PBX2: variants seen among roughly 807,000 people sequenced by gnomAD.
PBX2 encodes the protein PBX homeobox 2.
Under a neutral mutation model 46.5 loss-of-function variants are expected in PBX2, and 10 were observed. The observed-to-expected ratio is 0.21, with a 90% CI of 0.13 to 0.36. The LOEUF (loss-of-function observed/expected upper bound fraction) is 0.36, where lower values mean the gene tolerates loss of function less well. Ranked by LOEUF, PBX2 falls within the 10% of genes least tolerant of loss-of-function variation. The probability of loss-of-function intolerance (pLI) is 1.00; values close to 1 mark genes in which losing one functional copy is unlikely to be tolerated. For missense variants in PBX2, 392 were observed against 580.5 expected (o/e 0.68, Z 3.34); for synonymous variants, 160 against 222.5 (o/e 0.72, Z 2.50).
At position 32,189,292 on chromosome 6, in the gene PBX2, T is replaced by C. The variant is rs1330125698; in HGVS notation, c.221+403A>G. On this transcript the variant is annotated intron_variant, in intron 1 of 8. Transcript: ENST00000375050. This position sits in a 1 kb window ranked among gnomAD's most constrained non-coding sequence, Gnocchi z 4.7. Reference sequence around the variant, plus strand: ...CTGGCTGAGCAGTGGAGAGGAGCTTTAGGGGCTCTGGAGAGGGTGTGGAGG... The same window carrying C: ...CTGGCTGAGCAGTGGAGAGGAGCTTCAGGGGCTCTGGAGAGGGTGTGGAGG... Among the ~76,000 whole-genome samples, 1 of 151,646 alleles carries C rather than the reference T, an allele frequency of 6.6e-6. No individual in the cohort carries two copies. The highest frequency in any genetic ancestry group is 1.9e-4 in the East Asian group (1 of 5,154).
rs151331971 is a variant in PBX2, at chr6:32,186,640, G to A, written c.1164C>T (p.Leu388=). The A allele has an allele frequency of 3.2e-5, 52 of 1,612,782 alleles. No homozygotes were observed. The highest frequency in any genetic ancestry group is 2.5e-4 in the East Asian group (11 of 44,886). ...SMGPGGYGDN[L]GGGQMYSPRE... is the part of the protein sequence containing the mutation. ...GTGGGCTGTACATCTGGCCTCCCCC[G>A]AGGTTATCCCCATAGCCCCCTGGCC... is the stretch of plus-strand genomic sequence containing the variant. Residue 388 remains leucine (L), a synonymous_variant, in exon 8 of 9, where the codon CTC becomes CTT. Transcript: ENST00000375050. This position sits in a 1 kb window ranked among gnomAD's most constrained non-coding sequence, Gnocchi z 4.2.
Position 32,187,605 on chromosome 6 carries a change from G to A in PBX2, c.870+42C>T, listed in dbSNP as rs374809621. 5.0e-5 allele frequency: 79 copies of A among 1,566,432 alleles called. No homozygotes were observed. The Middle Eastern group carries it at 1.5e-3, about 31-fold the overall frequency. ...ACACCACTGCACCTAGCTGAGATGC[G>A]TGCACTTTGCCTGACAACTCCTCCC... On this transcript the variant is annotated intron_variant, in intron 5 of 8. Transcript: ENST00000375050. The surrounding 1 kb of genome is among the most constrained non-coding windows in gnomAD (Gnocchi z 7.7).
chr6:32,186,377 C>T lies in PBX2; in HGVS notation c.*5G>A. The T allele has an allele frequency of 1.9e-6, 3 of 1,590,290 alleles. No individual in the cohort carries two copies. Among genetic ancestry groups the T allele is most frequent in the East Asian group, 2.2e-5 (1 of 44,746 alleles). ...CCCCCACCCCTGTGACCCTGAGGGG[C>T]AAGATCAGTTGGAGGTATCAGAGTG... On this transcript the variant is annotated 3_prime_UTR_variant, in exon 9 of 9. Coordinates refer to ENST00000375050, the MANE Select transcript of PBX2 (RefSeq NM_002586.5). The surrounding 1 kb of genome is among the most constrained non-coding windows in gnomAD (Gnocchi z 4.2).
At position 32,186,776 on chromosome 6, in the gene PBX2, G is replaced by A; in HGVS notation, c.1113+37C>T. The A allele has an allele frequency of 6.2e-7, 1 of 1,601,878 alleles. No individual in the cohort carries two copies. Among genetic ancestry groups the A allele is most frequent in the South Asian group, 1.1e-5 (1 of 90,850 alleles). The stretch of plus-strand genomic sequence containing the variant: ...ATCCTAAAGTAGAGGAAATGGAGTT[G>A]GGGAAAGCCCTATTCGAGAGGAGAT... On this transcript the variant is annotated intron_variant, in intron 7 of 8. Transcript: ENST00000375050. The surrounding 1 kb of genome is among the most constrained non-coding windows in gnomAD (Gnocchi z 4.2).
chr6:32,190,005 C>G lies in PBX2; in HGVS notation c.-90G>C. On this transcript the variant is annotated 5_prime_UTR_variant, in exon 1 of 9. Transcript: ENST00000375050. Reference sequence around the variant, plus strand: ...CCCCAAACTCGCTGGGGCCGCTGCTCCCTCCGCCCCAACCCCCGCCCGTCT... The same window carrying G: ...CCCCAAACTCGCTGGGGCCGCTGCTGCCTCCGCCCCAACCCCCGCCCGTCT... 5.2e-6 allele frequency: 3 copies of G among 578,304 alleles called. No individual in the cohort carries two copies. Among genetic ancestry groups the G allele is most frequent in the East Asian group, 7.0e-5 (2 of 28,674 alleles). 35.8% of individuals were successfully genotyped at this position (578,304 alleles called of 1,614,324 possible).
rs557706026 is a variant in PBX2 at position 32,188,617 on chromosome 6, C to T, written c.295+106G>A. 9 of 1,570,068 alleles carry T rather than the reference C, an allele frequency of 5.7e-6. No homozygotes were observed. The South Asian group carries it at 9.0e-5, about 16-fold the overall frequency. ...CCAGGCTTTGGTTCCTTCCCCAGTC[C>T]CCCTGACTCCTTACTTTCCTCAGGG... On this transcript the variant is annotated intron_variant, in intron 2 of 8. Transcript: ENST00000375050. This position sits in a 1 kb window ranked among gnomAD's most constrained non-coding sequence, Gnocchi z 6.5.
chr6:32,189,612 G>T lies in PBX2; in HGVS notation c.221+83C>A. 9.6e-7 allele frequency: 1 copy of T among 1,038,126 alleles called. No individual in the cohort carries two copies. Among genetic ancestry groups the T allele is most frequent in the Non-Finnish European group, 1.5e-6 (1 of 684,804 alleles). 64.3% of individuals were successfully genotyped at this position (1,038,126 alleles called of 1,614,324 possible). On this transcript the variant is annotated intron_variant, in intron 1 of 8. Transcript: ENST00000375050. The surrounding 1 kb of genome is among the most constrained non-coding windows in gnomAD (Gnocchi z 4.7). ...GTTGGATCCTGGAGAGGGCCCTGGA[G>T]TTGGGGGGGGCTCCCAGAAGATTCA...
chr6:32,188,607 T>C lies in PBX2; in HGVS notation c.296-103A>G. The C allele has an allele frequency of 6.3e-7, 1 of 1,575,680 alleles. No individual in the cohort carries two copies. The highest frequency in any genetic ancestry group is 1.1e-5 in the South Asian group (1 of 87,946). ...AGCCAAGTTCCCAGGCTTTGGTTCC[T>C]TCCCCAGTCCCCCTGACTCCTTACT... is the stretch of plus-strand genomic sequence containing the variant. On this transcript the variant is annotated intron_variant, in intron 2 of 8. Coordinates refer to ENST00000375050, the MANE Select transcript of PBX2 (RefSeq NM_002586.5). This position sits in a 1 kb window ranked among gnomAD's most constrained non-coding sequence, Gnocchi z 6.5.
chr6:32,189,580 G>A lies in PBX2; in HGVS notation c.221+115C>T. 2.8e-6 allele frequency: 2 copies of A among 705,966 alleles called. No individual in the cohort carries two copies. Among genetic ancestry groups the A allele is most frequent in the Non-Finnish European group, 4.8e-6 (2 of 417,242 alleles). 43.7% of individuals were successfully genotyped at this position (705,966 alleles called of 1,614,324 possible). ...TGGGCTCCCAGGAATAAGGAGAGAA[G>A]AGAGCTGTTGGATCCTGGAGAGGGC... On this transcript the variant is annotated intron_variant, in intron 1 of 8. Coordinates refer to ENST00000375050, the MANE Select transcript of PBX2 (RefSeq NM_002586.5). This position sits in a 1 kb window ranked among gnomAD's most constrained non-coding sequence, Gnocchi z 4.7.
chr6:32,186,639 C>G lies in PBX2; in HGVS notation c.1165G>C (p.Gly389Arg). The G allele has an allele frequency of 6.2e-7, 1 of 1,613,132 alleles. No homozygotes were observed. The highest frequency in any genetic ancestry group is 8.5e-7 in the Non-Finnish European group (1 of 1,179,154). Reference sequence around the variant, plus strand: ...CGTGGGCTGTACATCTGGCCTCCCCCGAGGTTATCCCCATAGCCCCCTGGC... The same window carrying G: ...CGTGGGCTGTACATCTGGCCTCCCCGGAGGTTATCCCCATAGCCCCCTGGC... The part of the protein sequence containing the change: ...MGPGGYGDNL[G>R]GGQMYSPREM... The change falls in exon 8 of 9, where the codon GGG (glycine) becomes CGG (arginine). Residue 389 changes from glycine to arginine, a missense_variant. Gly to Arg is a moderately radical substitution (Grantham distance 125). Coordinates refer to ENST00000375050, the MANE Select transcript of PBX2 (RefSeq NM_002586.5). The surrounding 1 kb of genome is among the most constrained non-coding windows in gnomAD (Gnocchi z 4.2).
Position 32,188,532 on chromosome 6 carries a change from A to G in PBX2, c.296-28T>C. ...AGCATGCAGGCGAGTGGACTTAGGG[A>G]CCCAGAGACCCCAATACCCAGTGCT... On this transcript the variant is annotated intron_variant, in intron 2 of 8. Coordinates refer to ENST00000375050, the MANE Select transcript of PBX2 (RefSeq NM_002586.5). This position sits in a 1 kb window ranked among gnomAD's most constrained non-coding sequence, Gnocchi z 6.5. 6.2e-7 allele frequency: 1 copy of G among 1,609,170 alleles called. No individual in the cohort carries two copies. Among genetic ancestry groups the G allele is most frequent in the Non-Finnish European group, 8.5e-7 (1 of 1,177,174 alleles).
Position 32,185,098 on chromosome 6 carries a change from G to A in PBX2, c.*1284C>T, listed in dbSNP as rs955402607. ...CCTCATTTATGGGGAAATTGAGGAA[G>A]ATACATATACAAGCACCCCAACCCA... On this transcript the variant is annotated 3_prime_UTR_variant, in exon 9 of 9. Transcript: ENST00000375050. 6.6e-6 allele frequency: 1 copy of A among 152,568 alleles called. No homozygotes were observed. The highest frequency in any genetic ancestry group is 2.4e-5 in the African/African-American group (1 of 41,400). The allele number at this position is 152,568 out of a possible 1,614,324, so 9.5% of individuals were successfully genotyped here.
chr6:32,188,891 C>G lies in PBX2; in HGVS notation c.222-95G>C. The G allele has an allele frequency of 1.9e-6, 2 of 1,049,568 alleles. No homozygotes were observed. The highest frequency in any genetic ancestry group is 2.9e-6 in the Non-Finnish European group (2 of 681,744). 65.0% of individuals were successfully genotyped at this position (1,049,568 alleles called of 1,614,324 possible). A position where few individuals can be genotyped will look rare whatever the true frequency, so the allele number is the denominator to read the frequency against. On this transcript the variant is annotated intron_variant, in intron 1 of 8. Transcript: ENST00000375050. This position sits in a 1 kb window ranked among gnomAD's most constrained non-coding sequence, Gnocchi z 6.5. Reference sequence around the variant, plus strand: ...ACAAGGAGGGAGGAGGGTCAGTCTGCGGAGGGAGGAAGCGGATTGGGGGTG... The same window carrying G: ...ACAAGGAGGGAGGAGGGTCAGTCTGGGGAGGGAGGAAGCGGATTGGGGGTG...
At position 32,186,140 on chromosome 6, in the gene PBX2, A is replaced by G; in HGVS notation, c.*242T>C. On this transcript the variant is annotated 3_prime_UTR_variant, in exon 9 of 9. Transcript: ENST00000375050. This position sits in a 1 kb window ranked among gnomAD's most constrained non-coding sequence, Gnocchi z 4.2. ...GTGTATGTTTCTGTGTAAGAAAGAA[A>G]GCGAGAGAGGAAAAAGATGGAAAAA... The G allele has an allele frequency of 1.8e-6, 1 of 569,602 alleles. No individual in the cohort carries two copies. The highest frequency in any genetic ancestry group is 2.4e-5 in the South Asian group (1 of 42,426). 35.3% of individuals were successfully genotyped at this position (569,602 alleles called of 1,614,324 possible). A position where few individuals can be genotyped will look rare whatever the true frequency, so the allele number is the denominator to read the frequency against.
chr6:32,187,977 G>A lies in PBX2; in HGVS notation c.723C>T (p.Phe241=), dbSNP rs1389892597. The A allele has an allele frequency of 6.4e-7, 1 of 1,552,688 alleles. No individual in the cohort carries two copies. The highest frequency in any genetic ancestry group is 1.4e-5 in the African/African-American group (1 of 73,646). The change falls in exon 4 of 9, where the codon TTC becomes TTT. Residue 241 remains phenylalanine, a synonymous_variant. Coordinates refer to ENST00000375050, the MANE Select transcript of PBX2 (RefSeq NM_002586.5). This position sits in a 1 kb window ranked among gnomAD's most constrained non-coding sequence, Gnocchi z 7.7. The part of the protein sequence containing the change: ...CEAVMILRSR[F]LDARRKRRNF... Reference sequence around the variant, plus strand: ...GTCCCTGGGCCCACCTGGCATCCAGGAAACGGGAGCGCAGGATCATCACAG... The same window carrying A: ...GTCCCTGGGCCCACCTGGCATCCAGAAAACGGGAGCGCAGGATCATCACAG...
chr6:32,189,908 T>A lies in PBX2; in HGVS notation c.8A>T (p.Glu3Val). Residue 3 changes from glutamate (E) to valine (V), a missense_variant, in exon 1 of 9, where the codon GAA (glutamate) becomes GTA (valine). Physicochemically the swap from Glu to Val is moderately radical, Grantham distance 121. Around this residue, in one of 3 missense-constraint regions of PBX2, gnomAD observed 196 missense variants for 246.9 expected, o/e 0.79. Transcript: ENST00000375050. The surrounding 1 kb of genome is among the most constrained non-coding windows in gnomAD (Gnocchi z 4.7). ...TGGAGGGGGCGGCCCCAGTAGCCGT[T>A]CGTCCATAGCTGGGGGGGGGCCCTG... MDERLLGPPPPGG... is the reference protein window; with the variant it reads MDVRLLGPPPPGG... The A allele has an allele frequency of 7.3e-7, 1 of 1,362,064 alleles. No homozygotes were observed. Among genetic ancestry groups the A allele is most frequent in the Non-Finnish European group, 9.7e-7 (1 of 1,034,892 alleles). 84.4% of individuals were successfully genotyped at this position (1,362,064 alleles called of 1,614,324 possible).
chr6:32,185,541 A>C lies in PBX2; in HGVS notation c.*841T>G, dbSNP rs1787005990. ...GAAAGTAAGAAATAAAAAAAAAAAA[A>C]GACAAGAAATCAACATATTTATAAA... is the stretch of plus-strand genomic sequence containing the variant. On this transcript the variant is annotated 3_prime_UTR_variant, in exon 9 of 9. Transcript: ENST00000375050. 1 of 131,842 alleles carries C rather than the reference A, an allele frequency of 7.6e-6. No individual in the cohort carries two copies. Among genetic ancestry groups the C allele is most frequent in the Non-Finnish European group, 1.7e-5 (1 of 60,422 alleles). 8.2% of individuals were successfully genotyped at this position (131,842 alleles called of 1,614,324 possible). A position where few individuals can be genotyped will look rare whatever the true frequency, so the allele number is the denominator to read the frequency against.
rs1199726780 is a variant in PBX2, at chr6:32,190,169, G to A, written c.-254C>T. ...CGGAGAGAGAGAGGAGGCCCAAGCG[G>A]GGGTGTGTGTGAGAGAGAGGGAGGA... On this transcript the variant is annotated 5_prime_UTR_variant, in exon 1 of 9. Transcript: ENST00000375050. The A allele has an allele frequency of 3.9e-5, 14 of 362,450 alleles. 1 individual carries two copies. The highest frequency in any genetic ancestry group is 3.0e-4 in the African/African-American group (14 of 47,256). The allele number at this position is 362,450 out of a possible 1,614,324, so 22.5% of individuals were successfully genotyped here.
chr6:32,188,447 A>G lies in PBX2; in HGVS notation c.353T>C (p.Leu118Ser), dbSNP rs1357191007. The change falls in exon 3 of 9, where the codon TTG becomes TCG. Residue 118 changes from leucine to serine, a missense_variant. Leu to Ser is a moderately radical substitution (Grantham distance 145, BLOSUM62 -2). Transcript: ENST00000375050. The surrounding 1 kb of genome is among the most constrained non-coding windows in gnomAD (Gnocchi z 6.5). ...ACCCTCTGCCAGAAGCATGTTGTCC[A>G]AGCGCATCAGCTGTGGGTCCACCGG... ...EEPVDPQLMR[L>S]DNMLLAEGVA... The G allele has an allele frequency of 6.2e-7, 1 of 1,613,884 alleles. No homozygotes were observed. Among genetic ancestry groups the G allele is most frequent in the African/African-American group, 1.3e-5 (1 of 74,856 alleles).
Sources: gnomAD v4.1 joint callset for allele counts (sites outside exome capture counted in the v4.1 genomes callset) on GRCh38, gnomAD v4.1.1 for gene constraint, gnomAD v4.1.1 regional missense constraint, Gnocchi (gnomAD v3.1) non-coding constraint, MANE v1.5 for transcripts, NCBI Gene and HGNC (gene_info 2026-07-23, HGNC 2026-07-21) for gene names.